Variants in GPN1 observed in about 807,000 individuals in gnomAD.
GPN1 encodes the protein ATP(GTP)-binding protein.
Under a neutral mutation model 55.9 loss-of-function variants are expected in GPN1, and 44 were observed. That is an observed-to-expected ratio of 0.79 (90% CI 0.62 to 1.01). The LOEUF is 1.01. GPN1 is among the 50% of genes least tolerant of loss of function. The pLI, the probability that GPN1 is intolerant of heterozygous loss-of-function variation, is 0.00. For synonymous variants in GPN1, 179 were observed against 162.5 expected (o/e 1.10, Z -0.77); for missense variants, 466 against 462.8 (o/e 1.01, Z -0.06).
At chr2:27,649,966 C>A (rs1200163174) in intron 13 of GPN1, 149 bp from the exon 14 acceptor site, 3 of 535,078 alleles carry the variant, frequency 5.6e-6, no homozygotes, top group Non-Finnish European at 1.0e-5. Context: ...CATGATAGAG[C>A]ATGCTTCTAG....
chr2:27,632,674 A>G lies in GPN1; in HGVS notation c.350+4A>G, dbSNP rs57191024. 1.9e-3 allele frequency: 2,966 copies of G among 1,570,288 alleles called. 60 individuals are homozygous for G. The African/African-American group carries it at 0.036, about 19-fold the overall frequency. ...AGAAGGCCCAGAACATGTCCAAGTA[A>G]GTGATGTCAGTAACACCCATTTATT... On this transcript the variant is annotated splice_donor_region_variant and intron_variant, in intron 5 of 13. Coordinates refer to ENST00000610189, the MANE Select transcript of GPN1 (RefSeq NM_007266.4).
rs1435871158 is a variant in GPN1 at position 27,642,474 on chromosome 2, C to A, written c.886C>A (p.Arg296=). Residue 296 remains arginine, a synonymous_variant, in exon 12 of 14, where the codon CGA becomes AGA. Transcript: ENST00000610189. Reference sequence around the variant, plus strand: ...GCAGAGAGAACAACTGGAACGCCTTCGAAAAGATATGGGTTCTGTAGCCTT... The same window carrying A: ...GCAGAGAGAACAACTGGAACGCCTTAGAAAAGATATGGGTTCTGTAGCCTT... ...QQQREQLERL[R]KDMGSVALDA... 2 of 1,613,466 alleles carry A rather than the reference C, an allele frequency of 1.2e-6. No individual in the cohort carries two copies. Among genetic ancestry groups the A allele is most frequent in the African/African-American group, 1.3e-5 (1 of 74,954 alleles).
intron 7 of GPN1, among the ~76,000 whole-genome samples, chr2:27,636,999 G>C (rs995747113): frequency 1.3e-5 from 2 of 152,048 alleles, no homozygotes; most frequent in African/African-American, 4.8e-5. Flanking sequence ...ATTTCATGAT[G>C]AAACATACAG....
rs960536026 is a variant in GPN1, at chr2:27,651,108, T to G, written c.*908T>G. The G allele has an allele frequency of 6.6e-6, 1 of 152,394 alleles. No individual in the cohort carries two copies. Among genetic ancestry groups the G allele is most frequent in the African/African-American group, 2.4e-5 (1 of 41,468 alleles). The allele number at this position is 152,394 out of a possible 1,614,324, so 9.4% of individuals were successfully genotyped here. On this transcript the variant is annotated 3_prime_UTR_variant, in exon 14 of 14. Transcript: ENST00000610189. Reference sequence around the variant, plus strand: ...CGTGGATTTGGGTCAGAGGCACATTTCATACATAACAGCCCTTATAAACGT... The same window carrying G: ...CGTGGATTTGGGTCAGAGGCACATTGCATACATAACAGCCCTTATAAACGT...
intron 3 of GPN1, chr2:27,631,326 C>G (rs1267923700): frequency 3.9e-6 from 2 of 515,234 alleles, no homozygotes; most frequent in Admixed American, 7.3e-5. Flanking sequence ...CTGGGTCCCA[C>G]AAGGTAGTAT....
intron 9 of GPN1, 122 bp downstream of exon 9, chr2:27,639,153 A>T: frequency 1.3e-6 from 1 of 746,510 alleles, no homozygotes; most frequent in Non-Finnish European, 2.2e-6. Flanking sequence ...CTTTTAAAGC[A>T]TTGCTTATTA....
In GPN1 at chr2:27,629,574, T is replaced by C. The variant is rs545927982; in HGVS notation, c.112-285T>C. The C allele has an allele frequency of 2.4e-5, 16 of 680,312 alleles. No individual in the cohort carries two copies. The East Asian group carries it at 3.2e-4, about 14-fold the overall frequency. The allele number at this position is 680,312 out of a possible 1,614,324, so 42.1% of individuals were successfully genotyped here. On this transcript the variant is annotated intron_variant, in intron 1 of 13. Coordinates refer to ENST00000610189, the MANE Select transcript of GPN1 (RefSeq NM_007266.4). ...TATAGCGAAAATGAGGTTGACAAGA[T>C]TCATTCGTGGGGCCAAATATTTAAT...
At position 27,647,858 on chromosome 2, in the gene GPN1, C is replaced by A. The variant is rs183265783; in HGVS notation, c.954C>A (p.His318Gln). 392 of 1,612,230 alleles carry A rather than the reference C, an allele frequency of 2.4e-4. 4 individuals are homozygous for A. In the Admixed American group the frequency reaches 6.4e-3, roughly 26 times the overall value. Residue 318 changes from histidine (H) to glutamine (Q), a missense_variant, in exon 13 of 14, where the codon CAC (histidine) becomes CAA (glutamine). Coordinates refer to ENST00000610189, the MANE Select transcript of GPN1 (RefSeq NM_007266.4). The part of the protein sequence containing the change: ...TAKDSLSPVL[H>Q]PSDLILTRGT... ...TAGACAGCTTATCTCCTGTGCTGCA[C>A]CCTTCTGATTTGATCCTGACTCGAG...
At chr2:27,634,676 G>C (rs1487384638) in intron 5 of GPN1, among the ~76,000 whole-genome samples, 170 bp from the exon 6 acceptor site, 1 of 152,218 alleles carries the variant, frequency 6.6e-6, no homozygotes, top group Non-Finnish European at 1.5e-5. Context: ...ATTGAACAAA[G>C]TCTAGGGGAT....
At chr2:27,647,260 T>G (rs1339234386) in intron 12 of GPN1, among the ~76,000 whole-genome samples, 9 of 151,832 alleles carry the variant, frequency 5.9e-5, no homozygotes, top group Admixed American at 5.9e-4. Flanking sequence ...TGATTAGACT[T>G]CTCTCTGATT....
chr2:27,650,265 T>C lies in GPN1; in HGVS notation c.*65T>C, dbSNP rs1352072581. 2 of 884,096 alleles carry C rather than the reference T, an allele frequency of 2.3e-6. No individual in the cohort carries two copies. Among genetic ancestry groups the C allele is most frequent in the Admixed American group, 1.9e-5 (1 of 52,942 alleles). The allele number at this position is 884,096 out of a possible 1,614,324, so 54.8% of individuals were successfully genotyped here. On this transcript the variant is annotated 3_prime_UTR_variant, in exon 14 of 14. Coordinates refer to ENST00000610189, the MANE Select transcript of GPN1 (RefSeq NM_007266.4). ...ATTTTGGACCTCCACGTGAAAGAAC[T>C]GTTCTTACCTCTGAACTGGGGGCTC... is the stretch of plus-strand genomic sequence containing the variant.
Position 27,631,841 on chromosome 2 carries a change from C to T in GPN1, c.253C>T (p.Leu85Phe), listed in dbSNP as rs934279486. Reference sequence around the variant, plus strand: ...CCTCAACTTGGTGTCTAGATATGGACTTGGACCCAATGGCGGCATAGTGAC... The same window carrying T: ...CCTCAACTTGGTGTCTAGATATGGATTTGGACCCAATGGCGGCATAGTGAC... Reference protein sequence around the residue: ...KYKEVMKQYGLGPNGGIVTSL... With the variant: ...KYKEVMKQYGFGPNGGIVTSL... The change falls in exon 4 of 14, where the codon CTT (leucine) becomes TTT (phenylalanine). Residue 85 changes from leucine to phenylalanine, a missense_variant. Coordinates refer to ENST00000610189, the MANE Select transcript of GPN1 (RefSeq NM_007266.4). The T allele has an allele frequency of 5.6e-6, 9 of 1,593,702 alleles. No individual in the cohort carries two copies. The highest frequency in any genetic ancestry group is 1.3e-5 in the African/African-American group (1 of 74,630).
intron 4 of GPN1, 150 bp from the exon 5 acceptor site, chr2:27,632,483 A>G: frequency 3.0e-6 from 2 of 671,282 alleles, no homozygotes; most frequent in Non-Finnish European, 2.8e-6. Context: ...CAGCCTGTTT[A>G]TTCTTTGTTG....
At chr2:27,629,373 A>G (rs778702017) in intron 1 of GPN1, 1 of 1,550,212 alleles carries the variant, frequency 6.5e-7, no homozygotes, top group Non-Finnish European at 8.7e-7. Flanking sequence ...GCGCACCTTC[A>G]GGGCATACTC....
intron 1 of GPN1, 82 bp downstream of exon 1, chr2:27,629,251 A>AGTCTTC (rs66672615): frequency 1.3e-6 from 2 of 1,539,982 alleles, no homozygotes; most frequent in Non-Finnish European, 1.8e-6. Flanking sequence ...AAGGGAGGGA[A>AGTCTTC]GAGGATTTGG....
intron 5 of GPN1, among the ~76,000 whole-genome samples, chr2:27,633,975 T>A (rs1184058706): frequency 1.3e-5 from 2 of 152,038 alleles, no homozygotes; most frequent in East Asian, 3.9e-4. Context: ...TTCTGTTCCC[T>A]TTAGCCCCTA....
chr2:27,632,577 T>G (rs575154306), intron 4 of GPN1, 56 bp from the exon 5 acceptor site: 1 of 1,194,070 alleles, frequency 8.4e-7, no homozygotes, highest in African/African-American at 1.5e-5. Flanking sequence ...TGGAGAGGGC[T>G]CTGTGATTTT....
At chr2:27,646,125 T>A (rs1323581212) in intron 12 of GPN1, among the ~76,000 whole-genome samples, 2 of 152,216 alleles carry the variant, frequency 1.3e-5, no homozygotes, top group Non-Finnish European at 2.9e-5. Flanking sequence ...CACTGCAACC[T>A]CCGCCTCCCG....
rs779627305 is a variant in GPN1 at position 27,640,043 on chromosome 2, G to A, written c.718G>A (p.Val240Met). The A allele has an allele frequency of 1.9e-6, 3 of 1,601,402 alleles. No individual in the cohort carries two copies. Among genetic ancestry groups the A allele is most frequent in the Non-Finnish European group, 2.6e-6 (3 of 1,168,912 alleles). ...VLDEFYSSLRVVGVSAVLGTG... is the reference protein window; with the variant it reads ...VLDEFYSSLRMVGVSAVLGTG... ...TGGCATTTATGATGCTTTTTGGCAG[G>A]TGGTGGGTGTCTCTGCTGTTCTGGG... The change falls in exon 10 of 14, where the codon GTG (valine) becomes ATG (methionine). Residue 240 changes from valine to methionine, a missense_variant and splice_region_variant. Val to Met is a conservative substitution (Grantham distance 21). Transcript: ENST00000610189.
Sources: allele counts gnomAD v4.1 joint callset (sites outside exome capture counted in the v4.1 genomes callset), GRCh38; gene constraint gnomAD v4.1.1; transcripts MANE v1.5; gene names NCBI Gene and HGNC (gene_info 2026-07-23, HGNC 2026-07-21).